CACNA1E: variants seen among roughly 807,000 people sequenced by gnomAD.
The protein encoded by CACNA1E is voltage-dependent R-type calcium channel subunit alpha-1E.
A neutral mutation model predicts 259.2 loss-of-function variants in CACNA1E; 40 were observed. That is an observed-to-expected ratio of 0.15 (90% CI 0.12 to 0.20). The LOEUF (loss-of-function observed/expected upper bound fraction) is 0.20. Ranked by LOEUF, CACNA1E falls within the 10% of genes least tolerant of loss-of-function variation. The pLI, the probability that CACNA1E is intolerant of heterozygous loss-of-function variation, is 1.00. For missense variants in CACNA1E, 1,874 were observed against 3,040.1 expected, an observed-to-expected ratio of 0.62 and a Z score of 9.02; for synonymous variants, 1,104 against 1,138.5, an observed-to-expected ratio of 0.97 and a Z score of 0.61.
chr1:181,411,379 C>T (rs1288615430), intron 1 of CACNA1E, among the ~76,000 whole-genome samples: 1 of 152,156 alleles, frequency 6.6e-6, no homozygotes, highest in Non-Finnish European at 1.5e-5. Context: ...GCTTTGGACT[C>T]AACCTTTAGG....
chr1:181,626,778 A>T (rs992749898), intron 6 of CACNA1E, among the ~76,000 whole-genome samples: 2 of 152,216 alleles, frequency 1.3e-5, no homozygotes, highest in African/African-American at 4.8e-5. Context: ...TCAGAAACTT[A>T]TGGGGCTCTG....
At chr1:181,495,440 G>C (rs1664665477) in intron 1 of CACNA1E, among the ~76,000 whole-genome samples, 1 of 152,212 alleles carries the variant, frequency 6.6e-6, no homozygotes, top group Non-Finnish European at 1.5e-5. Flanking sequence ...TAGGATTTTT[G>C]TGAAGGTCAG....
At chr1:181,488,988 A>C (rs1441970750) in intron 1 of CACNA1E, among the ~76,000 whole-genome samples, 1 of 152,152 alleles carries the variant, frequency 6.6e-6, no homozygotes, top group African/African-American at 2.4e-5. Context: ...AATAAAACTG[A>C]GTGAAGCTTT....
chr1:181,630,500 C>T (rs1388107368), intron 6 of CACNA1E, among the ~76,000 whole-genome samples: 2 of 152,044 alleles, frequency 1.3e-5, no homozygotes, highest in East Asian at 3.9e-4. Context: ...ACTGAGGGGG[C>T]AGGCAGGAGG....
At chr1:181,747,560 G>A (rs138724293) in intron 25 of CACNA1E, among the ~76,000 whole-genome samples, 7 of 151,674 alleles carry the variant, frequency 4.6e-5, no homozygotes, top group Admixed American at 1.3e-4. Context: ...TGAGACCAGT[G>A]CATCCTAGTG....
In CACNA1E at chr1:181,803,097, T is replaced by C. The variant is rs989701187; in HGVS notation, c.*4263T>C. On this transcript the variant is annotated 3_prime_UTR_variant, in exon 48 of 48. Coordinates refer to ENST00000367573, the MANE Select transcript of CACNA1E (RefSeq NM_001205293.3). ...TCCTCAGAGGCCTAGGGTTAGCGTA[T>C]ACCAAGAATCCTGGTGAGAGGCGTT... 2.0e-5 allele frequency: 3 copies of C among 152,196 alleles called. No individual in the cohort carries two copies. The highest frequency in any genetic ancestry group is 2.9e-5 in the Non-Finnish European group (2 of 68,038). The allele number at this position is 152,196 out of a possible 1,614,324, so 9.4% of individuals were successfully genotyped here. A position where few individuals can be genotyped will look rare whatever the true frequency, so the allele number is the denominator to read the frequency against.
intron 3 of CACNA1E, among the ~76,000 whole-genome samples, chr1:181,563,118 G>A (rs1481833807): frequency 4.6e-5 from 7 of 152,130 alleles, no homozygotes; most frequent in Non-Finnish European, 1.0e-4. Flanking sequence ...TCGACAGACA[G>A]CTGATATTTT....
In CACNA1E at chr1:181,800,314, A is replaced by C. The variant is rs889867021; in HGVS notation, c.*1480A>C. On this transcript the variant is annotated 3_prime_UTR_variant, in exon 48 of 48. Coordinates refer to ENST00000367573, the MANE Select transcript of CACNA1E (RefSeq NM_001205293.3). ...TTCACCTTGAACATGCCCCTGGGCC[A>C]AGATGGGGCTTCACCCCTCCCCAGA... 1 of 152,680 alleles carries C rather than the reference A, an allele frequency of 6.5e-6. No homozygotes were observed. Among genetic ancestry groups the C allele is most frequent in the Non-Finnish European group, 1.5e-5 (1 of 68,062 alleles). 9.5% of individuals were successfully genotyped at this position (152,680 alleles called of 1,614,324 possible). A position where few individuals can be genotyped will look rare whatever the true frequency, so the allele number is the denominator to read the frequency against.
chr1:181,692,465 A>G (rs1296516135), intron 7 of CACNA1E, among the ~76,000 whole-genome samples: 1 of 152,166 alleles, frequency 6.6e-6, no homozygotes, highest in African/African-American at 2.4e-5. Context: ...ACATAGACCA[A>G]TGAAACAGAA....
At position 181,758,328 on chromosome 1, in the gene CACNA1E, G is replaced by A. The variant is rs1344309370; in HGVS notation, c.4494+217G>A. ...TGCAGACTATAGTAGCCATCCAGGG[G>A]CTCCCAAGACCTGAGATGGCAATGG... On this transcript the variant is annotated intron_variant, in intron 31 of 47. Transcript: ENST00000367573. This position sits in a 1 kb window ranked among gnomAD's most constrained non-coding sequence, Gnocchi z 4.2. 6.6e-6 allele frequency among the ~76,000 whole-genome samples: 1 copy of A among 152,152 alleles called. No homozygotes were observed. The highest frequency in any genetic ancestry group is 1.5e-5 in the Non-Finnish European group (1 of 68,002).
intron 6 of CACNA1E, among the ~76,000 whole-genome samples, chr1:181,634,940 C>T (rs1245101570): frequency 6.6e-6 from 1 of 152,164 alleles, no homozygotes; most frequent in Non-Finnish European, 1.5e-5. Flanking sequence ...CCTCATAAGC[C>T]GATCATTCTT....
chr1:181,732,647 G>A lies in CACNA1E; in HGVS notation c.2561G>A (p.Gly854Glu), dbSNP rs1456562600. The A allele has an allele frequency of 1.3e-6, 2 of 1,506,786 alleles. No homozygotes were observed. Among genetic ancestry groups the A allele is most frequent in the South Asian group, 2.7e-5 (2 of 73,642 alleles). The allele number at this position is 1,506,786 out of a possible 1,614,324, so 93.3% of individuals were successfully genotyped here. A position where few individuals can be genotyped will look rare whatever the true frequency, so the allele number is the denominator to read the frequency against. The change falls in exon 20 of 48, where the codon GGG becomes GAG. Residue 854 changes from glycine (G) to glutamate (E), a missense_variant. By Grantham distance (98) the Gly-to-Glu change is moderately conservative. Around this residue, in one of 14 missense-constraint regions of CACNA1E, gnomAD observed 476 missense variants for 514.0 expected, o/e 0.93. Transcript: ENST00000367573. This position sits in a 1 kb window ranked among gnomAD's most constrained non-coding sequence, Gnocchi z 5.5. ...GAGGAGGAGCGCATCAGCCGTGGGGGGTCCCTCAAGGGGGATGGAGGGGAC... is the reference window on the plus strand; with the variant it reads ...GAGGAGGAGCGCATCAGCCGTGGGGAGTCCCTCAAGGGGGATGGAGGGGAC... ...KFEEERISRG[G>E]SLKGDGGDRS... is the part of the protein sequence containing the mutation.
intron 1 of CACNA1E, among the ~76,000 whole-genome samples, chr1:181,381,058 C>A (rs535738802): frequency 2.6e-5 from 4 of 151,830 alleles, no homozygotes; most frequent in Admixed American, 1.3e-4. Context: ...CCCAGCTACT[C>A]GGGAGGCTGA....
chr1:181,439,843 A>G (rs889488347), intron 2 of CACNA1E, among the ~76,000 whole-genome samples: 4 of 152,150 alleles, frequency 2.6e-5, no homozygotes, highest in Non-Finnish European at 4.4e-5. Context: ...CTTAAGAAGT[A>G]CCTTTCGGAA....
chr1:181,542,725 C>A (rs1028715226), intron 3 of CACNA1E, among the ~76,000 whole-genome samples: 4 of 151,782 alleles, frequency 2.6e-5, no homozygotes, highest in Non-Finnish European at 5.9e-5. Context: ...TATAAATTAC[C>A]CAGTCCCGAG....
intron 1 of CACNA1E, among the ~76,000 whole-genome samples, chr1:181,369,270 A>G (rs759098384): frequency 9.9e-5 from 15 of 152,226 alleles, no homozygotes; most frequent in Non-Finnish European, 1.6e-4. Context: ...GGAGATTGGA[A>G]ACTGGAGAAA....
Position 181,609,527 on chromosome 1 carries a change from A to G in CACNA1E, c.951+28751A>G, listed in dbSNP as rs76851673. Among the ~76,000 whole-genome samples the G allele has an allele frequency of 3.5e-3, 530 of 152,306 alleles. 1 individual carries two copies. Among genetic ancestry groups the G allele is most frequent in the African/African-American group, 0.012 (512 of 41,562 alleles). On this transcript the variant is annotated intron_variant, in intron 6 of 47. Transcript: ENST00000367573. ...GCCCTAAATGTGGCAGAGTAGAAAG[A>G]GAAGGAAAAGAACAGAGTGAAAAGG...
At chr1:181,672,082 C>T (rs954931344) in intron 7 of CACNA1E, among the ~76,000 whole-genome samples, 2 of 152,138 alleles carry the variant, frequency 1.3e-5, no homozygotes, top group Non-Finnish European at 2.9e-5. Context: ...ATGTCATTTA[C>T]AATAACATGG....
At chr1:181,546,003 G>A (rs1647409991) in intron 3 of CACNA1E, among the ~76,000 whole-genome samples, 1 of 152,148 alleles carries the variant, frequency 6.6e-6, no homozygotes, top group South Asian at 2.1e-4. Flanking sequence ...GAGATGTGGG[G>A]AGAGGGTTGG....
Sources: gnomAD v4.1 joint callset for allele counts (sites outside exome capture counted in the v4.1 genomes callset) on GRCh38, gnomAD v4.1.1 for gene constraint, gnomAD v4.1.1 regional missense constraint, Gnocchi (gnomAD v3.1) non-coding constraint, MANE v1.5 for transcripts, NCBI Gene and HGNC (gene_info 2026-07-23, HGNC 2026-07-21) for gene names.